BTBD3: variants seen among roughly 807,000 people sequenced by gnomAD.
BTBD3 encodes BTB/POZ domain-containing protein 3.
A neutral mutation model predicts 41.6 loss-of-function variants in BTBD3; 14 were observed. The ratio of observed to expected loss-of-function variants is 0.34; its 90% CI spans 0.22 to 0.53. The LOEUF is 0.53. Among genes scored for constraint, BTBD3 ranks in the 20% least tolerant of loss-of-function variants. BTBD3 has a pLI of 0.95. For missense variants in BTBD3, 426 were observed against 654.7 expected, an observed-to-expected ratio of 0.65 and a Z score of 3.81; for synonymous variants, 249 against 233.7, an observed-to-expected ratio of 1.07 and a Z score of -0.60.
At chr20:11,921,229 C>G (rs1056712118) in intron 3 of BTBD3, among the ~76,000 whole-genome samples, 1 of 152,200 alleles carries the variant, frequency 6.6e-6, no homozygotes, top group Non-Finnish European at 1.5e-5. Context: ...GAAACATGAA[C>G]AAGAATGGCA....
intron 1 of BTBD3, among the ~76,000 whole-genome samples, chr20:11,903,221 T>G (rs1450317109): frequency 6.6e-6 from 1 of 152,190 alleles, no homozygotes; most frequent in East Asian, 1.9e-4. Flanking sequence ...AATATTAAAA[T>G]GGCACTGTAG....
chr20:11,907,033 T>G (rs1338206385), intron 1 of BTBD3, among the ~76,000 whole-genome samples: 1 of 152,244 alleles, frequency 6.6e-6, no homozygotes, highest in Non-Finnish European at 1.5e-5. Flanking sequence ...TTAAAATTCT[T>G]TACTAGCACT....
chr20:11,895,137 T>C (rs1393094316), intron 1 of BTBD3, among the ~76,000 whole-genome samples: 1 of 152,198 alleles, frequency 6.6e-6, no homozygotes, highest in East Asian at 1.9e-4. Flanking sequence ...CTTTATTGTT[T>C]TTTAAGATCT....
intron 1 of BTBD3, among the ~76,000 whole-genome samples, chr20:11,904,720 C>T (rs2122216246): frequency 6.6e-6 from 1 of 152,110 alleles, no homozygotes; most frequent in East Asian, 1.9e-4. Context: ...GAAAATCTGG[C>T]CTCAAACAGA....
chr20:11,908,905 G>A (rs890175301), intron 1 of BTBD3, among the ~76,000 whole-genome samples: 1 of 152,214 alleles, frequency 6.6e-6, no homozygotes, highest in South Asian at 2.1e-4. Flanking sequence ...TTTCTATTGT[G>A]TACTTCACAA....
At position 11,919,800 on chromosome 20, in the gene BTBD3, C is replaced by T; in HGVS notation, c.500C>T (p.Pro167Leu). 1.9e-6 allele frequency: 3 copies of T among 1,614,106 alleles called. No homozygotes were observed. The highest frequency in any genetic ancestry group is 2.5e-6 in the Non-Finnish European group (3 of 1,179,992). The change falls in exon 3 of 4, where the codon CCA becomes CTA. Residue 167 changes from proline (P) to leucine (L), a missense_variant. Pro to Leu is a moderately conservative substitution (Grantham distance 98). Coordinates refer to ENST00000378226, the MANE Select transcript of BTBD3 (RefSeq NM_014962.4). ...GAGGACAAAGATGAAATCCGTATAC[C>T]AGATGTCGAACCTGCTGCTTTTCTC... ...LAEDKDEIRIPDVEPAAFLAM... is the reference protein window; with the variant it reads ...LAEDKDEIRILDVEPAAFLAM...
chr20:11,900,766 G>A (rs1314700321), intron 1 of BTBD3, among the ~76,000 whole-genome samples: 3 of 150,368 alleles, frequency 2.0e-5, no homozygotes, highest in Admixed American at 6.6e-5. Flanking sequence ...GGAGTGCAGC[G>A]GCGACATCTC....
intron 1 of BTBD3, among the ~76,000 whole-genome samples, chr20:11,912,577 A>G (rs1425940902): frequency 6.6e-6 from 1 of 152,218 alleles, no homozygotes; most frequent in Non-Finnish European, 1.5e-5. Flanking sequence ...AAAGAGTACA[A>G]GGATGAGGAG....
At chr20:11,902,581 T>G (rs978975652) in intron 1 of BTBD3, among the ~76,000 whole-genome samples, 3 of 152,242 alleles carry the variant, frequency 2.0e-5, no homozygotes. Flanking sequence ...AAAGTGCTCA[T>G]GCTGAGATGA....
chr20:11,900,795 C>T (rs545626010), intron 1 of BTBD3, among the ~76,000 whole-genome samples: 1 of 151,510 alleles, frequency 6.6e-6, no homozygotes, highest in South Asian at 2.1e-4. Context: ...GCAAGCTCTG[C>T]CTTCTGGGTT....
Position 11,922,620 on chromosome 20 carries a change from T to C in BTBD3, c.537-14T>C, listed in dbSNP as rs140075905. The C allele has an allele frequency of 5.5e-3, 8,764 of 1,589,818 alleles. 31 individuals are homozygous for C. Among genetic ancestry groups the C allele is most frequent in the Non-Finnish European group, 6.5e-3 (7,551 of 1,165,836 alleles). ...TTGTGAAAATTCCACTTACATGTTA[T>C]GTGCTTTTTACAGATATATCTATTG... On this transcript the variant is annotated splice_polypyrimidine_tract_variant and intron_variant, in intron 3 of 3. Coordinates refer to ENST00000378226, the MANE Select transcript of BTBD3 (RefSeq NM_014962.4).
chr20:11,919,993 T>G (rs774392840), intron 3 of BTBD3, among the ~76,000 whole-genome samples, 157 bp downstream of exon 3: 1 of 152,226 alleles, frequency 6.6e-6, no homozygotes, highest in Non-Finnish European at 1.5e-5. Flanking sequence ...AAGAACACTT[T>G]AGCTTTCCGT....
At chr20:11,899,521 G>C (rs1336366150) in intron 1 of BTBD3, among the ~76,000 whole-genome samples, 1 of 151,940 alleles carries the variant, frequency 6.6e-6, no homozygotes, top group African/African-American at 2.4e-5. Context: ...TCATGTCTCA[G>C]ACCCTTAAAG....
At chr20:11,916,827 G>A (rs921842726), upstream of BTBD3, among the ~76,000 whole-genome samples, 12 of 152,160 alleles carry the variant, frequency 7.9e-5, no homozygotes, top group Admixed American at 3.9e-4. Flanking sequence ...AGATAGGGGT[G>A]AGATTAAATA....
intron 1 of BTBD3, among the ~76,000 whole-genome samples, chr20:11,903,364 A>G (rs2056835022): frequency 6.6e-6 from 1 of 152,206 alleles, no homozygotes; most frequent in South Asian, 2.1e-4. Flanking sequence ...TCCTAAGGAA[A>G]TGTGATGTAG....
rs1449212000 is a variant in BTBD3, at chr20:11,922,715, T to A, written c.618T>A (p.Pro206=). 6.2e-7 allele frequency: 1 copy of A among 1,614,088 alleles called. No homozygotes were observed. Among genetic ancestry groups the A allele is most frequent in the Non-Finnish European group, 8.5e-7 (1 of 1,180,036 alleles). Reference sequence around the variant, plus strand: ...ATGCTGCCAAAAAGTACATTGTCCCTCACCTTGCCAGAGCCTGTGTTAATT... The same window carrying A: ...ATGCTGCCAAAAAGTACATTGTCCCACACCTTGCCAGAGCCTGTGTTAATT... The part of the protein sequence containing the change: ...TLYAAKKYIV[P]HLARACVNFL... Residue 206 remains proline (P), a synonymous_variant, in exon 4 of 4, where the codon CCT becomes CCA. Transcript: ENST00000378226.
intron 1 of BTBD3, chr20:11,892,417 G>T (rs114312191): frequency 6.6e-6 from 1 of 152,134 alleles, no homozygotes; most frequent in Non-Finnish European, 1.5e-5. Flanking sequence ...GGGTTACTGC[G>T]GGTTCCCATA....
chr20:11,894,621 G>A (rs6040971), intron 1 of BTBD3, among the ~76,000 whole-genome samples: 8,604 of 150,908 alleles, frequency 0.057, 411 homozygotes, highest in East Asian at 0.27. Flanking sequence ...AAGATTGAGT[G>A]TTTATCATGT....
rs1403350499 is a variant in BTBD3, at chr20:11,926,464, G to GA, written c.*2804dup. On this transcript the variant is annotated 3_prime_UTR_variant, in exon 4 of 4. Coordinates refer to ENST00000378226, the MANE Select transcript of BTBD3 (RefSeq NM_014962.4). Reference sequence around the variant, plus strand: ...GTAGCTTACAGCATTATTTATGAAGGAAAAAATACATAAATATGAAGTACC... The same window carrying GA: ...GTAGCTTACAGCATTATTTATGAAGGAAAAAAATACATAAATATGAAGTACC... The GA allele has an allele frequency of 6.6e-6, 1 of 152,500 alleles. No homozygotes were observed. Among genetic ancestry groups the GA allele is most frequent in the African/African-American group, 2.4e-5 (1 of 41,388 alleles). The allele number at this position is 152,500 out of a possible 1,614,324, so 9.4% of individuals were successfully genotyped here.
Sources: allele counts gnomAD v4.1 joint callset (sites outside exome capture counted in the v4.1 genomes callset), GRCh38; gene constraint gnomAD v4.1.1; transcripts MANE v1.5; gene names NCBI Gene and HGNC (gene_info 2026-07-23, HGNC 2026-07-21).